Variants in CPQ observed in about 807,000 individuals in gnomAD.
The protein encoded by CPQ is Ser-Met dipeptidase.
A neutral mutation model predicts 45.7 loss-of-function variants in CPQ; 37 were observed. That is an observed-to-expected ratio of 0.81 (90% CI 0.62 to 1.07). The LOEUF (loss-of-function observed/expected upper bound fraction) is 1.07, where lower values mean the gene tolerates loss of function less well. CPQ is among the 50% of genes least tolerant of loss of function. The probability of loss-of-function intolerance (pLI) is 0.00; values close to 1 mark genes in which losing one functional copy is unlikely to be tolerated. For missense variants in CPQ, 537 were observed against 572.9 expected, an observed-to-expected ratio of 0.94 and a Z score of 0.64; for synonymous variants, 186 against 205.8, an observed-to-expected ratio of 0.90 and a Z score of 0.82.
intron 1 of CPQ, among the ~76,000 whole-genome samples, chr8:96,711,083 C>G (rs1809602574): frequency 6.6e-6 from 1 of 151,602 alleles, no homozygotes; most frequent in Admixed American, 6.6e-5. Context: ...CCTTTTTTGC[C>G]CCCCCTTTTT....
intron 6 of CPQ, among the ~76,000 whole-genome samples, chr8:97,031,395 C>T (rs1182977769): frequency 6.6e-6 from 1 of 151,922 alleles, no homozygotes; most frequent in Non-Finnish European, 1.5e-5. Context: ...ACCGTGTTAG[C>T]CAGGACAGTC....
intron 4 of CPQ, among the ~76,000 whole-genome samples, chr8:96,952,077 G>A (rs1323390328): frequency 6.6e-6 from 1 of 152,066 alleles, no homozygotes; most frequent in Non-Finnish European, 1.5e-5. Flanking sequence ...CTCATGTCAA[G>A]GTGGTAGTGA....
At chr8:97,066,531 A>G (rs1810639607) in intron 7 of CPQ, among the ~76,000 whole-genome samples, 1 of 152,186 alleles carries the variant, frequency 6.6e-6, no homozygotes, top group Non-Finnish European at 1.5e-5. Context: ...TGGTGATTAT[A>G]GCACAAATGA....
intron 1 of CPQ, among the ~76,000 whole-genome samples, chr8:96,648,372 C>T (rs1218097324): frequency 6.6e-6 from 1 of 152,154 alleles, no homozygotes; most frequent in Non-Finnish European, 1.5e-5. Context: ...AATGTACTTT[C>T]TTCTCCCCTA....
chr8:97,110,240 C>A (rs1190190926), intron 7 of CPQ, among the ~76,000 whole-genome samples: 1 of 152,184 alleles, frequency 6.6e-6, no homozygotes, highest in Admixed American at 6.5e-5. Flanking sequence ...GGGTATGTAT[C>A]ATATTTAGCA....
At chr8:96,972,819 T>C (rs1435309744) in intron 5 of CPQ, among the ~76,000 whole-genome samples, 3 of 152,102 alleles carry the variant, frequency 2.0e-5, no homozygotes, top group African/African-American at 7.2e-5. Context: ...GGAAGCCCCA[T>C]TCCTAGGGGA....
intron 7 of CPQ, among the ~76,000 whole-genome samples, chr8:97,073,020 A>G (rs1358834926): frequency 1.3e-5 from 2 of 152,196 alleles, no homozygotes; most frequent in African/African-American, 4.8e-5. Context: ...GCAAGACACA[A>G]CTGTAAGTTA....
At chr8:97,096,334 GAGAA>G (rs1028584098) in intron 7 of CPQ, among the ~76,000 whole-genome samples, 7 of 152,074 alleles carry the variant, frequency 4.6e-5, no homozygotes, top group Non-Finnish European at 7.4e-5. Flanking sequence ...ATTACTTTAT[GAGAA>G]AGAGAGCCTG....
chr8:96,854,314 G>A (rs1377077716), intron 3 of CPQ, among the ~76,000 whole-genome samples: 1 of 151,364 alleles, frequency 6.6e-6, no homozygotes, highest in Non-Finnish European at 1.5e-5. Flanking sequence ...GGCGGATCAC[G>A]AGGTCAGGAG....
At chr8:96,796,262 AT>A (rs1414431509) in intron 2 of CPQ, among the ~76,000 whole-genome samples, 2 of 151,984 alleles carry the variant, frequency 1.3e-5, no homozygotes, top group Non-Finnish European at 2.9e-5. Flanking sequence ...TCAAGTTAAT[AT>A]TTTCATATGT....
At chr8:97,119,689 T>C (rs1022287033) in intron 7 of CPQ, among the ~76,000 whole-genome samples, 3 of 152,188 alleles carry the variant, frequency 2.0e-5, no homozygotes, top group African/African-American at 7.2e-5. Context: ...AGAACAGCGA[T>C]AGCATACAGA....
chr8:96,935,975 C>T (rs1813043370), intron 4 of CPQ, among the ~76,000 whole-genome samples: 1 of 151,752 alleles, frequency 6.6e-6, no homozygotes, highest in Non-Finnish European at 1.5e-5. Context: ...TATTGCTTAT[C>T]TTTCTCATGA....
chr8:97,028,666 A>C (rs1809842274), intron 5 of CPQ, among the ~76,000 whole-genome samples: 1 of 152,182 alleles, frequency 6.6e-6, no homozygotes, highest in Non-Finnish European at 1.5e-5. Context: ...CTGAGCTGAC[A>C]TTGTCAGCCA....
chr8:96,844,229 A>G (rs1011718179), intron 3 of CPQ, among the ~76,000 whole-genome samples: 1 of 152,194 alleles, frequency 6.6e-6, no homozygotes, highest in Non-Finnish European at 1.5e-5. Flanking sequence ...AAGAATCCTG[A>G]GAAACTTTTT....
intron 2 of CPQ, among the ~76,000 whole-genome samples, chr8:96,833,703 T>C (rs1407208486): frequency 6.6e-6 from 1 of 152,206 alleles, no homozygotes; most frequent in Non-Finnish European, 1.5e-5. Context: ...TTGCTTCTTT[T>C]AGACTATAAA....
At chr8:96,732,451 C>G (rs1809924076) in intron 1 of CPQ, 1 of 152,114 alleles carries the variant, frequency 6.6e-6, no homozygotes, top group Non-Finnish European at 1.5e-5. Flanking sequence ...GACCCTTAGT[C>G]TTTAAAACAT....
rs2130469567 is a variant in CPQ at position 97,029,508 on chromosome 8, T to C, written c.1053+14T>C. The stretch of plus-strand genomic sequence containing the variant: ...CAGTTACACAAGGTAAAAACCCAGC[T>C]GTGGATTGCTAAGCATTTGTACATG... On this transcript the variant is annotated intron_variant, in intron 6 of 7. Transcript: ENST00000220763. 1.9e-6 allele frequency: 3 copies of C among 1,588,384 alleles called. No homozygotes were observed. The highest frequency in any genetic ancestry group is 2.6e-6 in the Non-Finnish European group (3 of 1,163,970).
intron 5 of CPQ, among the ~76,000 whole-genome samples, chr8:96,997,216 T>C (rs1809193412): frequency 6.6e-6 from 1 of 152,000 alleles, no homozygotes; most frequent in Non-Finnish European, 1.5e-5. Context: ...AGATTAAAGC[T>C]CATAAAACTG....
intron 1 of CPQ, among the ~76,000 whole-genome samples, chr8:96,679,799 T>C (rs951670266): frequency 2.2e-4 from 33 of 152,002 alleles, no homozygotes; most frequent in Admixed American, 1.8e-3. Context: ...TTTACTTGAA[T>C]CTTTTCTTTC....
Sources: allele counts gnomAD v4.1 joint callset (sites outside exome capture counted in the v4.1 genomes callset), GRCh38; gene constraint gnomAD v4.1.1; transcripts MANE v1.5; gene names NCBI Gene and HGNC (gene_info 2026-07-23, HGNC 2026-07-21).